The following SLC41A2 variants were observed in gnomAD, a reference collection of about 807,000 sequenced individuals.
SLC41A2 encodes the protein SLC41A1-like 1.
SLC41A2 carries 32 observed loss-of-function variants against 58.3 expected under a neutral mutation model. That is an observed-to-expected ratio of 0.55 (90% CI 0.41 to 0.74). The LOEUF (loss-of-function observed/expected upper bound fraction) is 0.74. Among genes scored for constraint, SLC41A2 ranks in the 30% least tolerant of loss-of-function variants. The probability of loss-of-function intolerance (pLI) is 0.00; values close to 1 mark genes in which losing one functional copy is unlikely to be tolerated. For missense variants in SLC41A2, 514 were observed against 680.6 expected (o/e 0.76, Z 2.72); for synonymous variants, 190 against 235.0 (o/e 0.81, Z 1.75).
At chr12:104,834,133 G>A in intron 10 of SLC41A2, 1 of 983,502 alleles carries the variant, frequency 1.0e-6, no homozygotes, top group South Asian at 4.7e-5. Flanking sequence ...AAAGCAGACA[G>A]TCATTTCATC....
At chr12:104,939,060 G>A (rs1319163753) in intron 1 of SLC41A2, among the ~76,000 whole-genome samples, 2 of 152,148 alleles carry the variant, frequency 1.3e-5, no homozygotes, top group Non-Finnish European at 2.9e-5. Context: ...CCTTTTCACT[G>A]AACACATTTA....
At chr12:104,956,951 A>G (rs2048191342) in intron 1 of SLC41A2, among the ~76,000 whole-genome samples, 1 of 152,198 alleles carries the variant, frequency 6.6e-6, no homozygotes, top group Non-Finnish European at 1.5e-5. Flanking sequence ...ACCCTCATAC[A>G]CTGCTTAGTG....
At chr12:104,852,323 T>C (rs759923719) in intron 8 of SLC41A2, among the ~76,000 whole-genome samples, 1 of 152,218 alleles carries the variant, frequency 6.6e-6, no homozygotes. Context: ...GGTAATGTTC[T>C]ATGTGGTATT....
At chr12:104,893,135 G>T (rs940749492) in intron 4 of SLC41A2, among the ~76,000 whole-genome samples, 1 of 151,978 alleles carries the variant, frequency 6.6e-6, no homozygotes, top group African/African-American at 2.4e-5. Context: ...AATATATAAG[G>T]AGCTTAAACA....
chr12:104,914,593 C>T (rs1339431089), intron 2 of SLC41A2, among the ~76,000 whole-genome samples: 1 of 152,162 alleles, frequency 6.6e-6, no homozygotes, highest in Non-Finnish European at 1.5e-5. Context: ...CCCTCAAAAA[C>T]TTAAAATATC....
intron 10 of SLC41A2, among the ~76,000 whole-genome samples, chr12:104,810,338 T>C (rs1342058041): frequency 6.6e-6 from 1 of 152,104 alleles, no homozygotes; most frequent in African/African-American, 2.4e-5. Flanking sequence ...CAATAGCTTT[T>C]AAAAGAATGA....
chr12:104,924,718 AG>A (rs1469087073), intron 2 of SLC41A2, among the ~76,000 whole-genome samples: 1 of 151,888 alleles, frequency 6.6e-6, no homozygotes, highest in African/African-American at 2.4e-5. Context: ...CACTCCAGCC[AG>A]GGCAACAAGA....
chr12:104,950,556 A>T (rs1042681645), intron 1 of SLC41A2, among the ~76,000 whole-genome samples: 4 of 152,170 alleles, frequency 2.6e-5, no homozygotes, highest in African/African-American at 9.7e-5. Context: ...AGAACGGACT[A>T]ACACAGTCTC....
intron 6 of SLC41A2, among the ~76,000 whole-genome samples, chr12:104,874,241 T>G (rs902825767): frequency 2.0e-5 from 3 of 151,894 alleles, no homozygotes; most frequent in Non-Finnish European, 4.4e-5. Context: ...GCCCGGGTAA[T>G]TTTTTTGTAT....
chr12:104,903,611 A>G (rs765379892), intron 3 of SLC41A2, among the ~76,000 whole-genome samples: 11 of 152,218 alleles, frequency 7.2e-5, no homozygotes, highest in Non-Finnish European at 1.3e-4. Context: ...ACACTTTGAG[A>G]ACTACTGATC....
At chr12:104,887,001 T>C (rs1050020971) in intron 5 of SLC41A2, among the ~76,000 whole-genome samples, 4 of 152,068 alleles carry the variant, frequency 2.6e-5, no homozygotes, top group Non-Finnish European at 5.9e-5. Context: ...GTAAAAGATA[T>C]TCTTTAAACC....
intron 8 of SLC41A2, among the ~76,000 whole-genome samples, chr12:104,856,775 G>A (rs1404790189): frequency 1.3e-5 from 2 of 152,008 alleles, no homozygotes; most frequent in Non-Finnish European, 2.9e-5. Context: ...TTAGAGATAC[G>A]AACAGAGGTG....
At chr12:104,955,565 C>A (rs970094036) in intron 1 of SLC41A2, among the ~76,000 whole-genome samples, 1 of 152,200 alleles carries the variant, frequency 6.6e-6, no homozygotes, top group Admixed American at 6.5e-5. Context: ...AGAATTGAGC[C>A]TAGTCTTCCT....
At chr12:104,812,801 A>G (rs1203084777) in intron 10 of SLC41A2, among the ~76,000 whole-genome samples, 2 of 152,064 alleles carry the variant, frequency 1.3e-5, no homozygotes, top group Non-Finnish European at 2.9e-5. Context: ...ATTATCTGAT[A>G]TAATAAACTT....
At chr12:104,918,268 A>T (rs553384466) in intron 2 of SLC41A2, among the ~76,000 whole-genome samples, 62 of 152,138 alleles carry the variant, frequency 4.1e-4, no homozygotes, top group African/African-American at 1.4e-3. Flanking sequence ...CAAAATTTTG[A>T]CTCAGAATTC....
intron 1 of SLC41A2, among the ~76,000 whole-genome samples, chr12:104,941,977 C>G (rs192877392): frequency 1.3e-5 from 2 of 152,008 alleles, no homozygotes; most frequent in African/African-American, 4.8e-5. Flanking sequence ...CAAACAATTA[C>G]CAAAAGTATT....
At chr12:104,849,574 T>C (rs1247034372) in intron 8 of SLC41A2, among the ~76,000 whole-genome samples, 2 of 152,202 alleles carry the variant, frequency 1.3e-5, no homozygotes, top group Non-Finnish European at 2.9e-5. Context: ...ACACCTGTAA[T>C]CTCAGCCCTT....
intron 10 of SLC41A2, among the ~76,000 whole-genome samples, chr12:104,816,454 C>G (rs1035619544): frequency 1.3e-5 from 2 of 152,154 alleles, no homozygotes; most frequent in Admixed American, 1.3e-4. Context: ...CTCTGAGGAT[C>G]CTGAGCAGGC....
At chr12:104,908,323 C>A (rs2045938902) in intron 3 of SLC41A2, among the ~76,000 whole-genome samples, 1 of 152,156 alleles carries the variant, frequency 6.6e-6, no homozygotes, top group African/African-American at 2.4e-5. Context: ...TATGCATTTT[C>A]TTTCCAAGCA....
Sources: gnomAD v4.1 joint callset for allele counts (sites outside exome capture counted in the v4.1 genomes callset) on GRCh38, gnomAD v4.1.1 for gene constraint, MANE v1.5 for transcripts, NCBI Gene and HGNC (gene_info 2026-07-23, HGNC 2026-07-21) for gene names.